The following CEP112 variants were observed in gnomAD, a reference collection of about 807,000 sequenced individuals.
The protein encoded by CEP112 is centrosomal protein of 112 kDa.
A neutral mutation model predicts 153.0 loss-of-function variants in CEP112; 127 were observed. The ratio of observed to expected loss-of-function variants is 0.83; its 90% CI spans 0.72 to 0.96. The LOEUF (loss-of-function observed/expected upper bound fraction) is 0.96, where lower values mean the gene tolerates loss of function less well. Ranked by LOEUF, CEP112 falls within the 40% of genes least tolerant of loss-of-function variation. The probability of loss-of-function intolerance (pLI) is 0.00; values close to 1 mark genes in which losing one functional copy is unlikely to be tolerated. For missense variants in CEP112, 1,089 were observed against 1,101.2 expected, an observed-to-expected ratio of 0.99 and a Z score of 0.16; for synonymous variants, 358 against 374.4, an observed-to-expected ratio of 0.96 and a Z score of 0.51.
chr17:65,830,879 G>C (rs1477441141), intron 21 of CEP112, among the ~76,000 whole-genome samples: 1 of 152,170 alleles, frequency 6.6e-6, no homozygotes, highest in African/African-American at 2.4e-5. Context: ...GTGGCAGGCA[G>C]TGATTTTGTT....
intron 12 of CEP112, among the ~76,000 whole-genome samples, chr17:66,030,802 T>C (rs8066882): frequency 0.51 from 78,273 of 152,020 alleles, 21,084 homozygotes; most frequent in African/African-American, 0.59. Flanking sequence ...AATTTTCAGT[T>C]TTAAAATTAA....
rs555922887 is a variant in CEP112, at chr17:66,076,922, C to A, written c.769-6921G>T. ...CAGTACCAGCCCGGAGCCAGGTAGA[C>A]TCGCTGGGTGGCTAGACCCAGAAGA... On this transcript the variant is annotated intron_variant, in intron 8 of 26. Transcript: ENST00000535342. Among the ~76,000 whole-genome samples, 4 of 152,292 alleles carry A rather than the reference C, an allele frequency of 2.6e-5. No homozygotes were observed. The South Asian group carries it at 6.2e-4, about 24-fold the overall frequency.
chr17:65,745,658 C>T (rs1215455125), intron 22 of CEP112, among the ~76,000 whole-genome samples: 1 of 152,064 alleles, frequency 6.6e-6, no homozygotes, highest in African/African-American at 2.4e-5. Context: ...GAGGGCAAGG[C>T]AGAGAATGAC....
chr17:65,669,564 CCT>C (rs1341147936), intron 24 of CEP112, among the ~76,000 whole-genome samples: 1 of 151,970 alleles, frequency 6.6e-6, no homozygotes, highest in Non-Finnish European at 1.5e-5. Flanking sequence ...ATGGGGAAGG[CCT>C]AAAATCAGAA....
At chr17:66,186,394 C>T (rs781655711) in intron 1 of CEP112, among the ~76,000 whole-genome samples, 1 of 152,092 alleles carries the variant, frequency 6.6e-6, no homozygotes, top group Admixed American at 6.5e-5. Context: ...CTCCACCTCC[C>T]GGGTTCAAGG....
chr17:65,671,492 T>C (rs546214967), intron 24 of CEP112, among the ~76,000 whole-genome samples: 1 of 152,340 alleles, frequency 6.6e-6, no homozygotes, highest in Admixed American at 6.5e-5. Flanking sequence ...CTGTCTCTCA[T>C]TGGTACAAAC....
chr17:65,640,943 T>A (rs778509938), intron 25 of CEP112, 21 bp downstream of exon 25: 1 of 1,346,808 alleles, frequency 7.4e-7, no homozygotes, highest in Non-Finnish European at 1.1e-6. Context: ...CCTTGGAAAA[T>A]GCCTTGATTC....
intron 8 of CEP112, among the ~76,000 whole-genome samples, chr17:66,090,557 A>G (rs560673913): frequency 6.6e-6 from 1 of 152,214 alleles, no homozygotes; most frequent in Admixed American, 6.5e-5. Flanking sequence ...TGCACGAAAC[A>G]TAAAAAGAAA....
At chr17:66,178,185 T>C (rs1420536454) in intron 2 of CEP112, among the ~76,000 whole-genome samples, 6 of 152,290 alleles carry the variant, frequency 3.9e-5, no homozygotes, top group African/African-American at 1.4e-4. Flanking sequence ...ACACCAAAAG[T>C]GTAGGAGAGT....
At chr17:66,089,598 C>G (rs1380511117) in intron 8 of CEP112, among the ~76,000 whole-genome samples, 1 of 151,614 alleles carries the variant, frequency 6.6e-6, no homozygotes, top group East Asian at 1.9e-4. Flanking sequence ...TCAGTAAACT[C>G]AAATATACAG....
chr17:66,139,750 T>C (rs1016111956), intron 4 of CEP112, among the ~76,000 whole-genome samples: 5 of 151,814 alleles, frequency 3.3e-5, no homozygotes, highest in African/African-American at 7.3e-5. Context: ...GAATAGAAAA[T>C]ATGAACAGAC....
chr17:65,893,044 C>T (rs1247344467), intron 20 of CEP112, among the ~76,000 whole-genome samples: 5 of 152,032 alleles, frequency 3.3e-5, no homozygotes, highest in Non-Finnish European at 7.4e-5. Flanking sequence ...TAAAGACCTG[C>T]GACTTTCAGG....
At chr17:66,149,888 G>GGT (rs2071110287) in intron 4 of CEP112, among the ~76,000 whole-genome samples, 1 of 54,710 alleles carries the variant, frequency 1.8e-5, no homozygotes, top group Non-Finnish European at 3.1e-5. Flanking sequence ...TTGTTTGTTT[G>GGT]TTTTTTTTTT....
intron 17 of CEP112, among the ~76,000 whole-genome samples, chr17:65,980,300 C>T (rs2063183092): frequency 6.6e-6 from 1 of 151,984 alleles, no homozygotes; most frequent in Non-Finnish European, 1.5e-5. Flanking sequence ...TTTTAAAAGA[C>T]CATTGTTAAA....
chr17:66,053,760 TTCACTC>T lies in CEP112; in HGVS notation c.1188_1193del (p.Ser397_Glu398del). On this transcript the variant is annotated inframe_deletion, in exon 12 of 27. Coordinates refer to ENST00000535342, the MANE Select transcript of CEP112 (RefSeq NM_001199165.4). The stretch of plus-strand genomic sequence containing the variant: ...CTGTGGACTGTGTTTGCGCCATGTA[TTCACTC>T]TCCATTTTATTCAGACGCACATTTG... 6.2e-7 allele frequency: 1 copy of T among 1,613,238 alleles called. No homozygotes were observed. The highest frequency in any genetic ancestry group is 1.1e-5 in the South Asian group (1 of 90,812).
chr17:65,913,964 T>G, intron 19 of CEP112: 1 of 702,476 alleles, frequency 1.4e-6, no homozygotes, highest in Non-Finnish European at 1.7e-6. Context: ...AGCTATTACT[T>G]TCTGTGGTTT....
chr17:65,876,623 T>C (rs2058837246), intron 20 of CEP112, among the ~76,000 whole-genome samples: 2 of 152,218 alleles, frequency 1.3e-5, no homozygotes, highest in Admixed American at 6.5e-5. Context: ...TGTAACTTCA[T>C]TGACTTCACT....
chr17:66,154,583 G>A (rs2071355198), intron 4 of CEP112, among the ~76,000 whole-genome samples: 1 of 152,048 alleles, frequency 6.6e-6, no homozygotes, highest in South Asian at 2.1e-4. Flanking sequence ...TAGACAGAGG[G>A]AATTAGCCAT....
chr17:65,787,209 G>A (rs1244854824), intron 21 of CEP112, among the ~76,000 whole-genome samples: 1 of 152,210 alleles, frequency 6.6e-6, no homozygotes, highest in Non-Finnish European at 1.5e-5. Flanking sequence ...GCCAGGCACA[G>A]TGGCTCACAC....
Sources: gnomAD v4.1 joint callset for allele counts (sites outside exome capture counted in the v4.1 genomes callset) on GRCh38, gnomAD v4.1.1 for gene constraint, MANE v1.5 for transcripts, NCBI Gene and HGNC (gene_info 2026-07-23, HGNC 2026-07-21) for gene names.